The following PPP1R13B variants were observed in gnomAD, a reference collection of about 807,000 sequenced individuals.
PPP1R13B encodes protein phosphatase 1 regulatory subunit 13B.
In PPP1R13B, 44 loss-of-function variants were observed where a neutral mutation model predicts 119.8. That is an observed-to-expected ratio of 0.37 (90% CI 0.29 to 0.47). PPP1R13B has a LOEUF of 0.47. Ranked by LOEUF, PPP1R13B falls within the 20% of genes least tolerant of loss-of-function variation. The probability of loss-of-function intolerance (pLI) is 0.99; values close to 1 mark genes in which losing one functional copy is unlikely to be tolerated. For synonymous variants in PPP1R13B, 542 were observed against 561.5 expected (o/e 0.97, Z 0.49); for missense variants, 1,227 against 1,413.5 (o/e 0.87, Z 2.12).
intron 4 of PPP1R13B, among the ~76,000 whole-genome samples, chr14:103,775,684 T>C (rs879561719): frequency 3.3e-5 from 5 of 152,194 alleles, no homozygotes; most frequent in Non-Finnish European, 4.4e-5. Flanking sequence ...CATGGCAACA[T>C]AGTCACATGG....
At chr14:103,782,183 T>C (rs914686477) in intron 3 of PPP1R13B, among the ~76,000 whole-genome samples, 3 of 152,146 alleles carry the variant, frequency 2.0e-5, no homozygotes, top group Non-Finnish European at 4.4e-5. Flanking sequence ...TTTATACATA[T>C]ACACATACAA....
chr14:103,774,241 G>A (rs2085130331), intron 4 of PPP1R13B, among the ~76,000 whole-genome samples: 1 of 152,112 alleles, frequency 6.6e-6, no homozygotes, highest in African/African-American at 2.4e-5. Context: ...CAACTTACTG[G>A]ATATCCTAGA....
Position 103,734,081 on chromosome 14 carries a change from G to T in PPP1R13B, c.*1073C>A. On this transcript the variant is annotated 3_prime_UTR_variant, in exon 17 of 17. Coordinates refer to ENST00000202556, the MANE Select transcript of PPP1R13B (RefSeq NM_015316.3). The stretch of plus-strand genomic sequence containing the variant: ...CTTTTGGTATATAAAAAGCCTGTAC[G>T]TACAATTCACACCTCAGTGAAGCGC... 5.6e-6 allele frequency: 1 copy of T among 179,364 alleles called. No individual in the cohort carries two copies. The allele number at this position is 179,364 out of a possible 1,614,324, so 11.1% of individuals were successfully genotyped here. A position where few individuals can be genotyped will look rare whatever the true frequency, so the allele number is the denominator to read the frequency against.
rs143636997 is a variant in PPP1R13B, at chr14:103,844,909, C to A, written c.9+2390G>T. On this transcript the variant is annotated intron_variant, in intron 1 of 16. Coordinates refer to ENST00000202556, the MANE Select transcript of PPP1R13B (RefSeq NM_015316.3). ...GTGTGCTGTAAAATGCAAACTGTCA[C>A]CGGATTCACACCAGATTTCAGACAC... Among the ~76,000 whole-genome samples the A allele has an allele frequency of 1.3e-3, 195 of 152,198 alleles. 1 individual carries two copies. Among genetic ancestry groups the A allele is most frequent in the African/African-American group, 4.5e-3 (187 of 41,506 alleles).
chr14:103,816,753 T>C (rs1023333904), intron 1 of PPP1R13B, among the ~76,000 whole-genome samples: 2 of 152,108 alleles, frequency 1.3e-5, no homozygotes, highest in Non-Finnish European at 2.9e-5. Flanking sequence ...CCTTAATGTC[T>C]GCAAATACCA....
At chr14:103,821,000 A>T (rs553915129) in intron 1 of PPP1R13B, among the ~76,000 whole-genome samples, 1 of 152,162 alleles carries the variant, frequency 6.6e-6, no homozygotes, top group African/African-American at 2.4e-5. Flanking sequence ...TAAAAGGGTT[A>T]TGTTGAGATT....
intron 4 of PPP1R13B, among the ~76,000 whole-genome samples, chr14:103,759,896 G>A (rs1048900888): frequency 1.1e-4 from 17 of 152,008 alleles, no homozygotes; most frequent in African/African-American, 3.6e-4. Context: ...TTTATGTTGC[G>A]TGTGTTTTTC....
intron 1 of PPP1R13B, among the ~76,000 whole-genome samples, chr14:103,845,240 A>ACATT (rs10668339): frequency 6.6e-6 from 1 of 151,920 alleles, no homozygotes. Flanking sequence ...ATTTTTGGAT[A>ACATT]GTTTAAAATA....
chr14:103,840,256 CTT>C (rs1307534226), intron 1 of PPP1R13B: 1 of 152,234 alleles, frequency 6.6e-6, no homozygotes, highest in Non-Finnish European at 1.5e-5. Flanking sequence ...TCCCACCACA[CTT>C]TTGCTGAGAA....
chr14:103,733,329 G>T lies in PPP1R13B; in HGVS notation c.*1825C>A. 1 of 306,578 alleles carries T rather than the reference G, an allele frequency of 3.3e-6. No homozygotes were observed. Among genetic ancestry groups the T allele is most frequent in the Non-Finnish European group, 6.2e-6 (1 of 162,506 alleles). 19.0% of individuals were successfully genotyped at this position (306,578 alleles called of 1,614,324 possible). A position where few individuals can be genotyped will look rare whatever the true frequency, so the allele number is the denominator to read the frequency against. ...TATATACCATTTTTATGAGTTCGCA[G>T]GTCTACTAGAAGGTTCTGGCCCATC... On this transcript the variant is annotated 3_prime_UTR_variant, in exon 17 of 17. Transcript: ENST00000202556.
intron 4 of PPP1R13B, among the ~76,000 whole-genome samples, chr14:103,765,618 T>C (rs948593119): frequency 1.3e-5 from 2 of 152,174 alleles, no homozygotes; most frequent in Non-Finnish European, 2.9e-5. Flanking sequence ...GCCACTCCGT[T>C]CTAGAACCAA....
rs138642888 is a variant in PPP1R13B, at chr14:103,789,130, C to A, written c.158-4216G>T. ...TCATTCTACTGAGAGAATATTTATA[C>A]CTCATGAGCTGACTCCCTGGCTCTG... On this transcript the variant is annotated intron_variant, in intron 2 of 16. Coordinates refer to ENST00000202556, the MANE Select transcript of PPP1R13B (RefSeq NM_015316.3). 2.1e-3 allele frequency among the ~76,000 whole-genome samples: 317 copies of A among 152,272 alleles called. 2 individuals carry two copies. The highest frequency in any genetic ancestry group is 6.7e-3 in the African/African-American group (280 of 41,546).
rs1323060831 is a variant in PPP1R13B at position 103,746,494 on chromosome 14, G to A, written c.1029C>T (p.Val343=). 8.7e-6 allele frequency: 14 copies of A among 1,613,990 alleles called. No homozygotes were observed. The highest frequency in any genetic ancestry group is 5.0e-5 in the Admixed American group (3 of 60,012). Residue 343 remains valine, a synonymous_variant, in exon 9 of 17, where the codon GTC becomes GTT. Transcript: ENST00000202556. ...PQSPLSTSGR[V]AAVGPYIQVP... Reference sequence around the variant, plus strand: ...CCTGGATATAAGGCCCCACAGCAGCGACCCTGCCCGATGTGCTCAGAGGGG... The same window carrying A: ...CCTGGATATAAGGCCCCACAGCAGCAACCCTGCCCGATGTGCTCAGAGGGG...
intron 1 of PPP1R13B, among the ~76,000 whole-genome samples, chr14:103,816,877 G>C (rs1215351772): frequency 6.6e-6 from 1 of 152,052 alleles, no homozygotes; most frequent in African/African-American, 2.4e-5. Flanking sequence ...TATCAATATA[G>C]CTTAGTAAAT....
intron 5 of PPP1R13B, among the ~76,000 whole-genome samples, chr14:103,756,144 C>T (rs1335005268): frequency 3.3e-5 from 5 of 151,332 alleles, no homozygotes; most frequent in African/African-American, 7.3e-5. Flanking sequence ...ACCCAGGCTG[C>T]AGTGCAATGG....
chr14:103,761,516 C>T (rs1035328042), intron 4 of PPP1R13B, among the ~76,000 whole-genome samples: 4 of 151,978 alleles, frequency 2.6e-5, no homozygotes, highest in African/African-American at 4.8e-5. Context: ...GTAATCCCAG[C>T]GCTTTGGGAG....
chr14:103,742,558 C>T lies in PPP1R13B; in HGVS notation c.1320+96G>A. Reference sequence around the variant, plus strand: ...TCTGGACAATAACAGGATTAACTTGCCTCCTGACAAGTCATACCCTTTAGC... The same window carrying T: ...TCTGGACAATAACAGGATTAACTTGTCTCCTGACAAGTCATACCCTTTAGC... On this transcript the variant is annotated intron_variant, in intron 10 of 16. Coordinates refer to ENST00000202556, the MANE Select transcript of PPP1R13B (RefSeq NM_015316.3). This position sits in a 1 kb window ranked among gnomAD's most constrained non-coding sequence, Gnocchi z 4.9. 2 of 1,458,576 alleles carry T rather than the reference C, an allele frequency of 1.4e-6. No individual in the cohort carries two copies. The allele number at this position is 1,458,576 out of a possible 1,614,324, so 90.4% of individuals were successfully genotyped here.
intron 4 of PPP1R13B, among the ~76,000 whole-genome samples, chr14:103,767,536 C>G (rs1034486479): frequency 3.9e-5 from 6 of 152,068 alleles, no homozygotes; most frequent in Non-Finnish European, 5.9e-5. Flanking sequence ...TCTTTATCTC[C>G]CACTGCTGAT....
intron 1 of PPP1R13B, among the ~76,000 whole-genome samples, chr14:103,803,315 C>T (rs959173321): frequency 5.3e-5 from 8 of 152,008 alleles, no homozygotes; most frequent in Middle Eastern, 3.2e-3. Flanking sequence ...CAAGTTAATA[C>T]GTTTATCCTT....
Sources: gnomAD v4.1 joint callset for allele counts (sites outside exome capture counted in the v4.1 genomes callset) on GRCh38, gnomAD v4.1.1 for gene constraint, Gnocchi (gnomAD v3.1) non-coding constraint, MANE v1.5 for transcripts, NCBI Gene and HGNC (gene_info 2026-07-23, HGNC 2026-07-21) for gene names.